The following CAMK1D variants were observed in gnomAD, a reference collection of about 807,000 sequenced individuals.
CAMK1D encodes the protein calcium/calmodulin-dependent protein kinase type 1D.
Under a neutral mutation model 47.7 loss-of-function variants are expected in CAMK1D, and 9 were observed. The ratio of observed to expected loss-of-function variants is 0.19; its 90% CI spans 0.11 to 0.33. The LOEUF (loss-of-function observed/expected upper bound fraction) is 0.33. CAMK1D is among the 10% of genes least tolerant of loss of function. CAMK1D has a pLI of 1.00. For synonymous variants in CAMK1D, 184 were observed against 184.9 expected (o/e 0.99, Z 0.04); for missense variants, 291 against 488.7 (o/e 0.60, Z 3.81).
At chr10:12,700,593 C>G (rs1022787018) in intron 3 of CAMK1D, among the ~76,000 whole-genome samples, 14 of 152,220 alleles carry the variant, frequency 9.2e-5, no homozygotes, top group Non-Finnish European at 1.5e-5. Context: ...CTCTGTAGCA[C>G]TGTGCCTGCG....
intron 3 of CAMK1D, among the ~76,000 whole-genome samples, chr10:12,706,529 T>C (rs1196256622): frequency 6.6e-6 from 1 of 152,072 alleles, no homozygotes; most frequent in South Asian, 2.1e-4. Flanking sequence ...CTGGGCAATA[T>C]AGTGAGACCT....
chr10:12,777,582 C>T (rs1008342546), intron 5 of CAMK1D, among the ~76,000 whole-genome samples: 7 of 152,104 alleles, frequency 4.6e-5, no homozygotes, highest in Admixed American at 1.3e-4. Flanking sequence ...CCATATTGGT[C>T]AGGCTGGTCT....
chr10:12,799,701 G>T (rs1222448001), intron 6 of CAMK1D, among the ~76,000 whole-genome samples: 4 of 152,168 alleles, frequency 2.6e-5, no homozygotes, highest in Admixed American at 1.3e-4. Context: ...TCTGAAAGTG[G>T]TTTTTTCCCA....
chr10:12,792,160 A>G lies in CAMK1D; in HGVS notation c.641+927A>G, dbSNP rs531988473. 3.3e-5 allele frequency among the ~76,000 whole-genome samples: 5 copies of G among 152,346 alleles called. No individual in the cohort carries two copies. The South Asian group carries it at 8.3e-4, about 25-fold the overall frequency. On this transcript the variant is annotated intron_variant, in intron 6 of 10. Coordinates refer to ENST00000619168, the MANE Select transcript of CAMK1D (RefSeq NM_153498.4). ...TCTCCCAAAGAAATCATAATGAGAA[A>G]AAAATGCAATGAAAATCTCAATTTC...
At chr10:12,801,354 T>TTATCTATC (rs56165416) in intron 6 of CAMK1D, among the ~76,000 whole-genome samples, 3,214 of 66,370 alleles carry the variant, frequency 0.048, 151 homozygotes, top group African/African-American at 0.068. Context: ...TCTATCTATC[T>TTATCTATC]TATCTATCTA....
intron 1 of CAMK1D, among the ~76,000 whole-genome samples, chr10:12,362,871 C>T (rs1837716940): frequency 6.6e-6 from 1 of 151,654 alleles, no homozygotes; most frequent in South Asian, 2.1e-4. Flanking sequence ...GTCTCAATCT[C>T]CTGACCTTGT....
intron 2 of CAMK1D, among the ~76,000 whole-genome samples, chr10:12,664,549 G>A (rs1840369087): frequency 6.6e-6 from 1 of 152,192 alleles, no homozygotes; most frequent in East Asian, 1.9e-4. Context: ...CTGAATGAAT[G>A]ACTGGACTCT....
At chr10:12,668,063 T>C (rs113774464) in intron 3 of CAMK1D, among the ~76,000 whole-genome samples, 11 of 152,350 alleles carry the variant, frequency 7.2e-5, no homozygotes, top group African/African-American at 2.4e-4. Flanking sequence ...TTGGTTACCA[T>C]GTTAACTCGA....
intron 1 of CAMK1D, among the ~76,000 whole-genome samples, chr10:12,410,875 C>T (rs77401426): frequency 0.011 from 1,730 of 152,204 alleles, 25 homozygotes; most frequent in African/African-American, 0.04. Flanking sequence ...GCAATCTCTG[C>T]GGGTATTTCC....
At chr10:12,713,132 G>T in intron 3 of CAMK1D, among the ~76,000 whole-genome samples, 1 of 151,988 alleles carries the variant, frequency 6.6e-6, no homozygotes, top group Admixed American at 6.5e-5. Flanking sequence ...GTGCAATGGC[G>T]CCACCTTGGC....
chr10:12,566,941 C>G (rs528203949), intron 2 of CAMK1D, among the ~76,000 whole-genome samples: 1 of 152,160 alleles, frequency 6.6e-6, no homozygotes, highest in South Asian at 2.1e-4. Context: ...CTTGGATTGC[C>G]GTCGTATGCT....
chr10:12,764,387 A>AAAAAAAAAC (rs1836649929), intron 4 of CAMK1D, among the ~76,000 whole-genome samples: 1 of 151,372 alleles, frequency 6.6e-6, no homozygotes, highest in African/African-American at 2.4e-5. Context: ...GTCTCAAAAA[A>AAAAAAAAAC]AAAAAAAAAA....
intron 2 of CAMK1D, among the ~76,000 whole-genome samples, chr10:12,557,551 C>CAAAAAAAA (rs5783273): frequency 1.2e-4 from 10 of 84,456 alleles, no homozygotes; most frequent in South Asian, 3.8e-4. Flanking sequence ...GACTCCATCT[C>CAAAAAAAA]AAAAAAAAAA....
chr10:12,382,823 T>TCAAA (rs374489465), intron 1 of CAMK1D, among the ~76,000 whole-genome samples: 99 of 152,202 alleles, frequency 6.5e-4, no homozygotes, highest in South Asian at 2.1e-3. Context: ...AGACTTCATC[T>TCAAA]CAAACAAACA....
intron 2 of CAMK1D, among the ~76,000 whole-genome samples, chr10:12,652,217 C>T (rs1839992835): frequency 6.6e-6 from 1 of 152,130 alleles, no homozygotes; most frequent in Non-Finnish European, 1.5e-5. Flanking sequence ...CACTCCCTTG[C>T]CCCCATCTTT....
At chr10:12,633,237 A>G (rs1330892238) in intron 2 of CAMK1D, among the ~76,000 whole-genome samples, 1 of 152,198 alleles carries the variant, frequency 6.6e-6, no homozygotes. Context: ...GAGGTACCAG[A>G]GAGGAGCAAA....
chr10:12,748,830 A>C (rs1564533790), intron 3 of CAMK1D, among the ~76,000 whole-genome samples: 1 of 152,192 alleles, frequency 6.6e-6, no homozygotes, highest in Admixed American at 6.5e-5. Flanking sequence ...GCTTGAGCCT[A>C]GGAGTTCAAG....
At chr10:12,514,946 G>C (rs555004324) in intron 1 of CAMK1D, among the ~76,000 whole-genome samples, 2 of 152,264 alleles carry the variant, frequency 1.3e-5, no homozygotes, top group African/African-American at 4.8e-5. Flanking sequence ...TGCCTCCTGG[G>C]TTCAAGTGAT....
chr10:12,699,826 C>T (rs771602582), intron 3 of CAMK1D, among the ~76,000 whole-genome samples: 1 of 152,116 alleles, frequency 6.6e-6, no homozygotes, highest in Non-Finnish European at 1.5e-5. Flanking sequence ...TTTCACCATT[C>T]CTCCACACAA....
Sources: allele counts gnomAD v4.1 joint callset (sites outside exome capture counted in the v4.1 genomes callset), GRCh38; gene constraint gnomAD v4.1.1; transcripts MANE v1.5; gene names NCBI Gene and HGNC (gene_info 2026-07-23, HGNC 2026-07-21).